Variants in ACTL8 observed in about 807,000 individuals in gnomAD.
ACTL8 encodes the protein actin-like protein 8.
Under a neutral mutation model 9.3 loss-of-function variants are expected in ACTL8, and 3 were observed. That is an observed-to-expected ratio of 0.32 (90% CI 0.15 to 0.83). The LOEUF (loss-of-function observed/expected upper bound fraction) is 0.83, where lower values mean the gene tolerates loss of function less well. ACTL8 is among the 40% of genes least tolerant of loss of function. ACTL8 has a pLI of 0.57. For missense variants in ACTL8, 381 were observed against 492.2 expected (o/e 0.77, Z 2.14); for synonymous variants, 224 against 205.9 (o/e 1.09, Z -0.75).
intron 1 of ACTL8, among the ~76,000 whole-genome samples, chr1:17,809,384 G>C (rs548371550): frequency 5.3e-5 from 8 of 152,256 alleles, no homozygotes; most frequent in African/African-American, 1.9e-4. Context: ...GGAAGGGCTA[G>C]CCGGGGGTTC....
chr1:17,817,345 C>T (rs538124620), intron 1 of ACTL8, among the ~76,000 whole-genome samples: 1 of 152,292 alleles, frequency 6.6e-6, no homozygotes, highest in South Asian at 2.1e-4. Flanking sequence ...CTCAATCTCT[C>T]ACCCTTTCTT....
intron 1 of ACTL8, among the ~76,000 whole-genome samples, chr1:17,789,303 G>A (rs1488990558): frequency 6.6e-6 from 1 of 152,094 alleles, no homozygotes; most frequent in Non-Finnish European, 1.5e-5. Flanking sequence ...GAAAGTGATT[G>A]CTGGGAAGGG....
rs761244417 is a variant in ACTL8, at chr1:17,825,784, G to A, written c.366G>A (p.Leu122=). ...CGTTGCAGATCCTGTTTGAGTTGCT[G>A]CATGTCCCATCGGTCCTCCTGGCCG... ...KKMLEILFEL[L]HVPSVLLADQ... Residue 122 remains leucine (L), a synonymous_variant, in exon 3 of 3, where the codon CTG becomes CTA. Transcript: ENST00000375406. The A allele has an allele frequency of 1.6e-4, 264 of 1,613,284 alleles. 3 individuals are homozygous for A. The Admixed American group carries it at 4.4e-3, about 27-fold the overall frequency.
At chr1:17,761,359 T>C (rs1038539601) in intron 1 of ACTL8, among the ~76,000 whole-genome samples, 1 of 152,042 alleles carries the variant, frequency 6.6e-6, no homozygotes, top group Admixed American at 6.5e-5. Flanking sequence ...ATGTTTCTGC[T>C]TTACCTGCTT....
At position 17,826,029 on chromosome 1, in the gene ACTL8, T is replaced by C. The variant is rs1570052770; in HGVS notation, c.611T>C (p.Val204Ala). The change falls in exon 3 of 3, where the codon GTC becomes GCC. Residue 204 changes from valine to alanine, a missense_variant. Physicochemically the swap from Val to Ala is moderately conservative, Grantham distance 64. Around this residue, in one of 3 missense-constraint regions of ACTL8, gnomAD observed 243 missense variants for 276.2 expected, o/e 0.88. Coordinates refer to ENST00000375406, the MANE Select transcript of ACTL8 (RefSeq NM_030812.3). This position sits in a 1 kb window ranked among gnomAD's most constrained non-coding sequence, Gnocchi z 4.5. ...CGCTGCCTGTTTCAGCTGGAGACAG[T>C]CGCCGTGACTCAGATGAACAAGTGC... ...DRRCLFQLET[V>A]AVTQMNKCYV... 6.2e-7 allele frequency: 1 copy of C among 1,606,508 alleles called. No homozygotes were observed. Among genetic ancestry groups the C allele is most frequent in the African/African-American group, 1.3e-5 (1 of 75,050 alleles).
At chr1:17,788,474 C>T (rs1292116261) in intron 1 of ACTL8, among the ~76,000 whole-genome samples, 1 of 152,252 alleles carries the variant, frequency 6.6e-6, no homozygotes, top group African/African-American at 2.4e-5. Flanking sequence ...CAGGCAGGGC[C>T]TGGGGTAGCC....
chr1:17,757,855 G>T (rs1443820520), intron 1 of ACTL8, among the ~76,000 whole-genome samples: 1 of 152,232 alleles, frequency 6.6e-6, no homozygotes, highest in Non-Finnish European at 1.5e-5. Context: ...TCTGCAGCTG[G>T]AGGTGGCTCT....
At chr1:17,797,422 G>A (rs972064661) in intron 1 of ACTL8, among the ~76,000 whole-genome samples, 8 of 152,296 alleles carry the variant, frequency 5.3e-5, no homozygotes, top group South Asian at 4.1e-4. Context: ...ATGCCATATC[G>A]GCGCTTCCCA....
intron 1 of ACTL8, among the ~76,000 whole-genome samples, chr1:17,803,754 G>A (rs2066339566): frequency 6.6e-6 from 1 of 152,194 alleles, no homozygotes; most frequent in South Asian, 2.1e-4. Flanking sequence ...TTCAGCAGAA[G>A]GTCTCTATGA....
At chr1:17,789,110 G>A (rs1423904517) in intron 1 of ACTL8, among the ~76,000 whole-genome samples, 1 of 152,240 alleles carries the variant, frequency 6.6e-6, no homozygotes, top group African/African-American at 2.4e-5. Flanking sequence ...AGAAGGCAGT[G>A]CATGTTCTTA....
intron 1 of ACTL8, among the ~76,000 whole-genome samples, chr1:17,793,952 C>A (rs1284406350): frequency 2.0e-5 from 3 of 152,176 alleles, no homozygotes; most frequent in Non-Finnish European, 4.4e-5. Flanking sequence ...TTGTGAGTAG[C>A]TTCTTGTCAG....
At position 17,809,754 on chromosome 1, in the gene ACTL8, A is replaced by G. The variant is rs570567295; in HGVS notation, c.-24-13231A>G. 7.1e-4 allele frequency among the ~76,000 whole-genome samples: 108 copies of G among 152,098 alleles called. 1 individual carries two copies. The highest frequency in any genetic ancestry group is 2.4e-3 in the African/African-American group (100 of 41,484). On this transcript the variant is annotated intron_variant, in intron 1 of 2. Coordinates refer to ENST00000375406, the MANE Select transcript of ACTL8 (RefSeq NM_030812.3). The stretch of plus-strand genomic sequence containing the variant: ...AGATGGGACCATCTAGTTGCAGGAA[A>G]ACAAGCTCAGGCCTCCCACTGATTC...
At chr1:17,780,034 C>T (rs969258075) in intron 1 of ACTL8, among the ~76,000 whole-genome samples, 1 of 152,036 alleles carries the variant, frequency 6.6e-6, no homozygotes. Flanking sequence ...TAGGGAGACC[C>T]TTTCTCTACA....
rs555020100 is a variant in ACTL8, at chr1:17,785,256, G to A, written c.-25+29752G>A. ...TTAAATCTCTGTTCCCTCATCCATAGACTGGAAGTAAGACCTGTTCTTGGT... is the reference window on the plus strand; with the variant it reads ...TTAAATCTCTGTTCCCTCATCCATAAACTGGAAGTAAGACCTGTTCTTGGT... On this transcript the variant is annotated intron_variant, in intron 1 of 2. Transcript: ENST00000375406. Among the ~76,000 whole-genome samples, 8 of 152,228 alleles carry A rather than the reference G, an allele frequency of 5.3e-5. No individual in the cohort carries two copies. In the East Asian group the frequency reaches 5.8e-4, roughly 11 times the overall value.
rs1346914602 is a variant in ACTL8 at position 17,775,339 on chromosome 1, T to A, written c.-25+19835T>A. Among the ~76,000 whole-genome samples, 4 of 151,060 alleles carry A rather than the reference T, an allele frequency of 2.6e-5. No homozygotes were observed. The Admixed American group carries it at 2.7e-4, about 10-fold the overall frequency. ...ACTCAGCTGATTGACTCCTGGGGCCTGAGTCCTCACTGCCTGGAACTGGAG... is the reference window on the plus strand; with the variant it reads ...ACTCAGCTGATTGACTCCTGGGGCCAGAGTCCTCACTGCCTGGAACTGGAG... On this transcript the variant is annotated intron_variant, in intron 1 of 2. Coordinates refer to ENST00000375406, the MANE Select transcript of ACTL8 (RefSeq NM_030812.3).
intron 1 of ACTL8, among the ~76,000 whole-genome samples, chr1:17,815,520 C>T (rs1460330841): frequency 1.3e-5 from 2 of 152,026 alleles, no homozygotes; most frequent in African/African-American, 4.8e-5. Flanking sequence ...AGTCTGCAGT[C>T]ATTCAAAGTG....
At chr1:17,790,108 C>T (rs2066228464) in intron 1 of ACTL8, among the ~76,000 whole-genome samples, 1 of 152,346 alleles carries the variant, frequency 6.6e-6, no homozygotes, top group South Asian at 2.1e-4. Flanking sequence ...GGTGCCAGCT[C>T]TCTGTGGGTC....
chr1:17,803,656 A>T (rs1017646893), intron 1 of ACTL8, among the ~76,000 whole-genome samples: 10 of 152,202 alleles, frequency 6.6e-5, no homozygotes, highest in Non-Finnish European at 1.5e-4. Flanking sequence ...ATTTAGCAGC[A>T]TGAGGACGGA....
chr1:17,769,225 T>A (rs2066066990), intron 1 of ACTL8, among the ~76,000 whole-genome samples: 1 of 152,156 alleles, frequency 6.6e-6, no homozygotes, highest in Non-Finnish European at 1.5e-5. Context: ...CAGCCTTCCC[T>A]TCCCCAGTAT....
Sources: allele counts gnomAD v4.1 joint callset (sites outside exome capture counted in the v4.1 genomes callset), GRCh38; gene constraint gnomAD v4.1.1; regional missense constraint gnomAD v4.1.1; non-coding constraint Gnocchi (gnomAD v3.1); transcripts MANE v1.5; gene names NCBI Gene and HGNC (gene_info 2026-07-23, HGNC 2026-07-21).